The following RNF150 variants were observed in gnomAD, a reference collection of about 807,000 sequenced individuals.
RNF150 encodes the protein ring finger protein 150.
Under a neutral mutation model 39.3 loss-of-function variants are expected in RNF150, and 24 were observed. The observed-to-expected ratio is 0.61, with a 90% CI of 0.44 to 0.86. The LOEUF (loss-of-function observed/expected upper bound fraction) is 0.86, where lower values mean the gene tolerates loss of function less well. Among genes scored for constraint, RNF150 ranks in the 40% least tolerant of loss-of-function variants. The pLI, the probability that RNF150 is intolerant of heterozygous loss-of-function variation, is 0.00. For missense variants in RNF150, 502 were observed against 587.8 expected, an observed-to-expected ratio of 0.85 and a Z score of 1.51; for synonymous variants, 255 against 227.3, an observed-to-expected ratio of 1.12 and a Z score of -1.10.
chr4:141,168,677 A>G (rs1727643924), intron 1 of RNF150, among the ~76,000 whole-genome samples: 1 of 152,204 alleles, frequency 6.6e-6, no homozygotes, highest in Non-Finnish European at 1.5e-5. Flanking sequence ...CATCATTCTC[A>G]GTAAACTAAC....
chr4:140,935,046 A>AAATAT (rs1553993278), intron 4 of RNF150, among the ~76,000 whole-genome samples: 7 of 93,674 alleles, frequency 7.5e-5, no homozygotes, highest in East Asian at 2.7e-4. Flanking sequence ...TATATATATA[A>AAATAT]ATATATATAT....
chr4:141,171,238 T>C (rs1727712900), intron 1 of RNF150, among the ~76,000 whole-genome samples: 1 of 152,170 alleles, frequency 6.6e-6, no homozygotes, highest in Non-Finnish European at 1.5e-5. Context: ...TCCCAGTCAG[T>C]AGCAGAATCA....
chr4:141,022,771 G>T (rs1158858248), intron 1 of RNF150, among the ~76,000 whole-genome samples: 2 of 152,162 alleles, frequency 1.3e-5, no homozygotes, highest in Non-Finnish European at 2.9e-5. Flanking sequence ...TTATTGAAGT[G>T]CATATATGTC....
Position 140,995,806 on chromosome 4 carries a change from A to G in RNF150, c.485-27933T>C, listed in dbSNP as rs141737004. On this transcript the variant is annotated intron_variant, in intron 1 of 6. Transcript: ENST00000515673. ...TCCATATTGTTGCAAATGACAGGAT[A>G]TCATCTTTTTTTATGGCTGAATAGT... is the stretch of plus-strand genomic sequence containing the variant. Among the ~76,000 whole-genome samples, 307 of 152,262 alleles carry G rather than the reference A, an allele frequency of 2.0e-3. 1 individual carries two copies. Among genetic ancestry groups the G allele is most frequent in the African/African-American group, 7.1e-3 (293 of 41,546 alleles).
intron 1 of RNF150, among the ~76,000 whole-genome samples, chr4:141,127,549 T>C (rs1450373422): frequency 6.6e-6 from 1 of 152,202 alleles, no homozygotes; most frequent in Non-Finnish European, 1.5e-5. Flanking sequence ...ATCCATACAT[T>C]GAACTCTGAG....
At position 140,909,851 on chromosome 4, in the gene RNF150, C is replaced by G. The variant is rs138528880; in HGVS notation, c.1198+1293G>C. Among the ~76,000 whole-genome samples the G allele has an allele frequency of 4.1e-3, 631 of 152,250 alleles. 2 individuals carry two copies. The highest frequency in any genetic ancestry group is 0.014 in the African/African-American group (594 of 41,552). ...AGTTAAAGGTCCTATTTATCAAAAA[C>G]TAATAAACTTTGCATGTGCAGATAT... On this transcript the variant is annotated intron_variant, in intron 6 of 6. Transcript: ENST00000515673.
chr4:141,062,980 T>A (rs1737298568), intron 1 of RNF150, among the ~76,000 whole-genome samples: 1 of 152,214 alleles, frequency 6.6e-6, no homozygotes, highest in African/African-American at 2.4e-5. Flanking sequence ...GGCATCCATG[T>A]TGATGCAAAG....
At chr4:140,959,858 G>A (rs1732944912) in intron 2 of RNF150, among the ~76,000 whole-genome samples, 1 of 152,090 alleles carries the variant, frequency 6.6e-6, no homozygotes, top group African/African-American at 2.4e-5. Context: ...AGAGGCTGGG[G>A]TAGAGGTGAG....
intron 6 of RNF150, among the ~76,000 whole-genome samples, chr4:140,899,330 C>A (rs1308699010): frequency 1.3e-5 from 2 of 152,134 alleles, no homozygotes; most frequent in Non-Finnish European, 2.9e-5. Flanking sequence ...CTATGTAAAA[C>A]CTTGCCATAT....
intron 1 of RNF150, among the ~76,000 whole-genome samples, chr4:141,061,528 T>C (rs760209218): frequency 2.0e-5 from 3 of 152,176 alleles, no homozygotes; most frequent in Non-Finnish European, 2.9e-5. Context: ...ATATGCAATA[T>C]TGCTCTTCTA....
intron 1 of RNF150, among the ~76,000 whole-genome samples, chr4:140,987,287 A>G (rs1470810663): frequency 6.6e-6 from 1 of 152,138 alleles, no homozygotes; most frequent in African/African-American, 2.4e-5. Flanking sequence ...CTATGGAACC[A>G]AAAAAGAGCC....
intron 1 of RNF150, among the ~76,000 whole-genome samples, chr4:141,187,386 G>A (rs918073239): frequency 6.6e-6 from 1 of 152,174 alleles, no homozygotes; most frequent in African/African-American, 2.4e-5. Context: ...CCAGAGCTGA[G>A]TTCAACTCCT....
At chr4:140,883,314 T>C (rs1188640081) in intron 6 of RNF150, among the ~76,000 whole-genome samples, 2 of 152,210 alleles carry the variant, frequency 1.3e-5, no homozygotes, top group Non-Finnish European at 2.9e-5. Context: ...ACAGTATTTA[T>C]GCACCACCCT....
chr4:141,209,211 GAGTTATAATTAAA>G (rs36217499), intron 1 of RNF150, among the ~76,000 whole-genome samples: 33,433 of 151,594 alleles, frequency 0.22, 3,923 homozygotes, highest in South Asian at 0.32. Flanking sequence ...GGGAGGACTG[GAGTTATAATTAAA>G]AGTTATAATT....
At chr4:141,096,651 C>T (rs1014785670) in intron 1 of RNF150, among the ~76,000 whole-genome samples, 9 of 152,128 alleles carry the variant, frequency 5.9e-5, no homozygotes, top group African/African-American at 1.9e-4. Flanking sequence ...GATATCATAC[C>T]TAATGATACT....
intron 1 of RNF150, among the ~76,000 whole-genome samples, chr4:141,066,081 C>T (rs960532747): frequency 5.9e-5 from 9 of 152,026 alleles, no homozygotes; most frequent in African/African-American, 2.2e-4. Context: ...CTATTTGACT[C>T]ATCTGATCCC....
intron 1 of RNF150, among the ~76,000 whole-genome samples, chr4:141,082,045 C>G (rs1187496629): frequency 6.6e-6 from 1 of 152,228 alleles, no homozygotes. Flanking sequence ...TTCCCAAAAG[C>G]TTGCTTCAGT....
At chr4:140,911,069 G>A in intron 6 of RNF150, 75 bp downstream of exon 6, 1 of 1,197,544 alleles carries the variant, frequency 8.4e-7, no homozygotes, top group East Asian at 2.3e-5. Context: ...TCTTTTTGAG[G>A]AAAGGTATTT....
At chr4:141,201,406 G>T (rs1728287799) in intron 1 of RNF150, among the ~76,000 whole-genome samples, 1 of 152,180 alleles carries the variant, frequency 6.6e-6, no homozygotes, top group South Asian at 2.1e-4. Context: ...TAGATTCCAG[G>T]TTTGTTTATT....
Sources: allele counts gnomAD v4.1 joint callset (sites outside exome capture counted in the v4.1 genomes callset), GRCh38; gene constraint gnomAD v4.1.1; transcripts MANE v1.5; gene names NCBI Gene and HGNC (gene_info 2026-07-23, HGNC 2026-07-21).